The following MATCAP2 variants were observed in gnomAD, a reference collection of about 807,000 sequenced individuals.
The protein encoded by MATCAP2 is putative tyrosine carboxypeptidase MATCAP2.
chr7:36,347,672 G>T, the MATCAP2 span, among the ~76,000 whole-genome samples: 38 of 152,280 alleles, frequency 2.5e-4, no homozygotes, highest in African/African-American at 8.9e-4. Context: ...TATGACTGTA[G>T]AAAGTACTTA....
the MATCAP2 span, among the ~76,000 whole-genome samples, chr7:36,359,973 G>A: frequency 6.6e-6 from 1 of 152,182 alleles, no homozygotes; most frequent in African/African-American, 2.4e-5. Context: ...CATAAGCCTA[G>A]GAAGTAGGGT....
chr7:36,354,907 C>T, the MATCAP2 span, among the ~76,000 whole-genome samples: 2 of 152,124 alleles, frequency 1.3e-5, no homozygotes, highest in Admixed American at 1.3e-4. Flanking sequence ...AACTCTCAAA[C>T]TGTGGGGCTG....
At chr7:36,355,589 T>C in the MATCAP2 span, 2 of 152,250 alleles carry the variant, frequency 1.3e-5, no homozygotes, top group East Asian at 3.8e-4. Context: ...TAATTAAGTT[T>C]TACATAATGG....
the MATCAP2 span, among the ~76,000 whole-genome samples, chr7:36,367,703 G>A: frequency 6.6e-6 from 1 of 152,208 alleles, no homozygotes; most frequent in African/African-American, 2.4e-5. Flanking sequence ...ATTGATAGGG[G>A]CTGAATGTTA....
the MATCAP2 span, chr7:36,331,016 G>A: frequency 3.1e-6 from 5 of 1,613,232 alleles, no homozygotes; most frequent in African/African-American, 4.0e-5. Flanking sequence ...GAAGTCTATG[G>A]TATCTCTGTA....
chr7:36,347,368 A>G, the MATCAP2 span, among the ~76,000 whole-genome samples: 1 of 152,200 alleles, frequency 6.6e-6, no homozygotes, highest in Non-Finnish European at 1.5e-5. Context: ...GTGCTAAAAA[A>G]CTATCTCCCT....
chr7:36,367,184 C>T, the MATCAP2 span: 1 of 1,194,450 alleles, frequency 8.4e-7, no homozygotes, highest in Non-Finnish European at 1.0e-6. Context: ...TTACGGTGCC[C>T]AGCAGCGCTT....
At chr7:36,337,754 A>G in the MATCAP2 span, 1 of 152,170 alleles carries the variant, frequency 6.6e-6, no homozygotes, top group African/African-American at 2.4e-5. Context: ...ATCAATTGAG[A>G]TAACTCACTA....
At chr7:36,337,110 A>AAAAAAAAAAAAAAAAAAAAAAC in the MATCAP2 span, among the ~76,000 whole-genome samples, 1 of 145,214 alleles carries the variant, frequency 6.9e-6, no homozygotes, top group Non-Finnish European at 1.5e-5. Flanking sequence ...AAAAAAAAAA[A>AAAAAAAAAAAAAAAAAAAAAAC]AAAAAAAAAA....
the MATCAP2 span, among the ~76,000 whole-genome samples, chr7:36,345,291 C>T: frequency 6.6e-6 from 1 of 152,130 alleles, no homozygotes; most frequent in Non-Finnish European, 1.5e-5. Flanking sequence ...GAATCTTTCC[C>T]ACTTTATAGA....
At chr7:36,360,318 C>T in the MATCAP2 span, among the ~76,000 whole-genome samples, 10 of 151,958 alleles carry the variant, frequency 6.6e-5, no homozygotes, top group Non-Finnish European at 1.3e-4. Context: ...TAAAAAAAAA[C>T]GTCCTAAACC....
the MATCAP2 span, among the ~76,000 whole-genome samples, chr7:36,329,752 A>G: frequency 4.6e-5 from 7 of 152,240 alleles, no homozygotes; most frequent in Non-Finnish European, 8.8e-5. Context: ...GGAATAGTCC[A>G]TTCATAAATA....
At chr7:36,369,755 T>G in the MATCAP2 span, among the ~76,000 whole-genome samples, 1 of 152,250 alleles carries the variant, frequency 6.6e-6, no homozygotes, top group Non-Finnish European at 1.5e-5. Flanking sequence ...AGATTTTCTA[T>G]AAAATACATA....
At chr7:36,334,434 C>G in the MATCAP2 span, among the ~76,000 whole-genome samples, 6 of 144,046 alleles carry the variant, frequency 4.2e-5, no homozygotes, top group East Asian at 1.1e-3. Context: ...ACTCAGGAGG[C>G]TGAGGTGAAG....
chr7:36,344,192 T>C, the MATCAP2 span, among the ~76,000 whole-genome samples: 4 of 152,282 alleles, frequency 2.6e-5, no homozygotes, highest in Non-Finnish European at 4.4e-5. Context: ...CCACAGGCTG[T>C]AGGCAAAAAG....
chr7:36,357,252 C>T, the MATCAP2 span: 640 of 1,614,144 alleles, frequency 4.0e-4, 1 homozygote, highest in African/African-American at 6.9e-3. Flanking sequence ...GTGACAAAAA[C>T]AGCAGGCCGC....
the MATCAP2 span, among the ~76,000 whole-genome samples, chr7:36,339,677 T>G: frequency 4.7e-4 from 71 of 152,318 alleles, no homozygotes; most frequent in African/African-American, 1.6e-3. Context: ...ACTAACCTAA[T>G]AGTCACCAGT....
chr7:36,380,410 G>A, the MATCAP2 span, among the ~76,000 whole-genome samples: 52 of 152,308 alleles, frequency 3.4e-4, 1 homozygote, highest in Admixed American at 1.8e-3. Context: ...TGGTCCAGTG[G>A]AATAAATTTG....
the MATCAP2 span, among the ~76,000 whole-genome samples, chr7:36,346,497 T>C: frequency 6.6e-6 from 1 of 152,172 alleles, no homozygotes; most frequent in South Asian, 2.1e-4. Flanking sequence ...TTTGAAAACA[T>C]TATAATAAGT....
Sources: gnomAD v4.1 joint callset for allele counts (sites outside exome capture counted in the v4.1 genomes callset) on GRCh38, gnomAD v4.1.1 for gene constraint, MANE v1.5 for transcripts, NCBI Gene and HGNC (gene_info 2026-07-23, HGNC 2026-07-21) for gene names.